Variants in IMPG2 observed in about 807,000 individuals in gnomAD.
IMPG2 encodes the protein IPM 200.
Under a neutral mutation model 129.2 loss-of-function variants are expected in IMPG2, and 91 were observed. That is an observed-to-expected ratio of 0.70 (90% CI 0.59 to 0.84). The LOEUF is 0.84. Ranked by LOEUF, IMPG2 falls within the 40% of genes least tolerant of loss-of-function variation. The pLI is 0.00. For missense variants in IMPG2, 1,430 were observed against 1,461.7 expected (o/e 0.98, Z 0.35); for synonymous variants, 510 against 517.7 (o/e 0.99, Z 0.20).
chr3:101,259,436 C>T (rs60249991), intron 9 of IMPG2, among the ~76,000 whole-genome samples: 3,424 of 151,950 alleles, frequency 0.023, 122 homozygotes, highest in African/African-American at 0.079. Context: ...TTCTTATCTA[C>T]TTCTTTACTT....
chr3:101,230,843 A>G, intron 16 of IMPG2, 114 bp downstream of exon 16: 2 of 886,382 alleles, frequency 2.3e-6, no homozygotes, highest in Admixed American at 1.9e-5. Context: ...ATTCAAATTC[A>G]TAGCTCTCTT....
chr3:101,308,365 C>T (rs973085815), intron 2 of IMPG2, among the ~76,000 whole-genome samples: 1 of 152,260 alleles, frequency 6.6e-6, no homozygotes. Context: ...AAACTTCTGC[C>T]TGGACATCCA....
intron 3 of IMPG2, 96 bp from the exon 4 acceptor site, chr3:101,291,606 G>C (rs1707010186): frequency 1.2e-6 from 1 of 840,120 alleles, no homozygotes; most frequent in Non-Finnish European, 2.0e-6. Context: ...GCCCTACCAT[G>C]GTAGAATCTA....
Position 101,244,314 on chromosome 3 carries a change from A to C in IMPG2, c.2017T>G (p.Ser673Ala). The C allele has an allele frequency of 6.2e-7, 1 of 1,613,972 alleles. No individual in the cohort carries two copies. Among genetic ancestry groups the C allele is most frequent in the Non-Finnish European group, 8.5e-7 (1 of 1,179,964 alleles). ...KHSKYEHDDR[S>A]THFPEEEPLS... ...GGCTCTTCCTCTGGAAAGTGTGTGG[A>C]TCTGTCATCATGTTCATATTTTGAG... The change falls in exon 13 of 19, where the codon TCC becomes GCC. Residue 673 changes from serine to alanine, a missense_variant. Ser to Ala is a moderately conservative substitution (Grantham distance 99). Transcript: ENST00000193391.
rs66908707 is a variant in IMPG2 at position 101,226,225 on chromosome 3, TTATATATATATATA to T, written c.*730_*743del. ...TAGATTAATGGGAATCTTCTAAACT[TTATATATATATATA>T]TATATATATATATATATATATATAT... On this transcript the variant is annotated 3_prime_UTR_variant, in exon 19 of 19. Coordinates refer to ENST00000193391, the MANE Select transcript of IMPG2 (RefSeq NM_016247.4). 642 of 102,496 alleles carry T rather than the reference TTATATATATATATA, an allele frequency of 6.3e-3. 4 individuals carry two copies. The highest frequency in any genetic ancestry group is 0.011 in the Admixed American group (115 of 10,120). The allele number at this position is 102,496 out of a possible 1,614,324, so 6.3% of individuals were successfully genotyped here.
chr3:101,234,307 G>A (rs557063828), intron 14 of IMPG2, among the ~76,000 whole-genome samples: 1 of 151,914 alleles, frequency 6.6e-6, no homozygotes, highest in South Asian at 2.1e-4. Context: ...ACACCTATAA[G>A]CTAAGGGATG....
intron 2 of IMPG2, among the ~76,000 whole-genome samples, chr3:101,318,968 C>T (rs2058797679): frequency 6.6e-6 from 1 of 151,798 alleles, no homozygotes; most frequent in Non-Finnish European, 1.5e-5. Context: ...TTATGTGTAC[C>T]AACTAGAGAG....
rs1046094556 is a variant in IMPG2, at chr3:101,226,104, C to T, written c.*865G>A. On this transcript the variant is annotated 3_prime_UTR_variant, in exon 19 of 19. Transcript: ENST00000193391. ...TTAGATTTCAGAAGCAATCAGGGAA[C>T]CTCAGTCCAGCAATCAAGAAACAAA... 6.5e-6 allele frequency: 1 copy of T among 153,990 alleles called. No individual in the cohort carries two copies. Among genetic ancestry groups the T allele is most frequent in the African/African-American group, 2.4e-5 (1 of 41,120 alleles). 9.5% of individuals were successfully genotyped at this position (153,990 alleles called of 1,614,324 possible). A position where few individuals can be genotyped will look rare whatever the true frequency, so the allele number is the denominator to read the frequency against.
intron 3 of IMPG2, among the ~76,000 whole-genome samples, chr3:101,302,863 A>G (rs1707152746): frequency 6.6e-6 from 1 of 152,196 alleles, no homozygotes; most frequent in South Asian, 2.1e-4. Flanking sequence ...CAAAACATTT[A>G]TACCCTCGCA....
intron 14 of IMPG2, among the ~76,000 whole-genome samples, chr3:101,240,287 T>G (rs1355680260): frequency 6.6e-6 from 1 of 151,988 alleles, no homozygotes; most frequent in Non-Finnish European, 1.5e-5. Flanking sequence ...CCAGCTAATT[T>G]TTCAGTTTTT....
rs372962969 is a variant in IMPG2, at chr3:101,283,402, C to T, written c.534-6689G>A. 2.6e-4 allele frequency among the ~76,000 whole-genome samples: 40 copies of T among 152,142 alleles called. No homozygotes were observed. The South Asian group carries it at 4.8e-3, about 18-fold the overall frequency. On this transcript the variant is annotated intron_variant, in intron 4 of 18. Coordinates refer to ENST00000193391, the MANE Select transcript of IMPG2 (RefSeq NM_016247.4). The stretch of plus-strand genomic sequence containing the variant: ...TGCCCCAACTTTATTATTCCCATTG[C>T]CCCTGTAGTTTTTATTGAGTGATTT...
At chr3:101,269,341 C>A (rs1559649484) in intron 8 of IMPG2, among the ~76,000 whole-genome samples, 174 bp downstream of exon 8, 1 of 152,156 alleles carries the variant, frequency 6.6e-6, no homozygotes, top group Non-Finnish European at 1.5e-5. Context: ...CTTTTTCTAA[C>A]TCAATTTTCT....
At chr3:101,264,290 T>G (rs1339328480) in intron 9 of IMPG2, among the ~76,000 whole-genome samples, 4 of 151,872 alleles carry the variant, frequency 2.6e-5, no homozygotes, top group Non-Finnish European at 4.4e-5. Context: ...AACACAGATG[T>G]AAAAATCCTC....
At position 101,264,277 on chromosome 3, in the gene IMPG2, A is replaced by C. The variant is rs1706699978; in HGVS notation, c.908+3234T>G. The stretch of plus-strand genomic sequence containing the variant: ...TGAAAACTACAGGGCAAAATCCCTG[A>C]TGAACACAGATGTAAAAATCCTCAA... On this transcript the variant is annotated intron_variant, in intron 9 of 18. Transcript: ENST00000193391. 2.6e-5 allele frequency among the ~76,000 whole-genome samples: 4 copies of C among 152,250 alleles called. No homozygotes were observed. The East Asian group carries it at 7.7e-4, about 29-fold the overall frequency.
chr3:101,256,195 A>AAGAAAGAAAGAAAG (rs1706604048), intron 10 of IMPG2, among the ~76,000 whole-genome samples: 1 of 151,080 alleles, frequency 6.6e-6, no homozygotes, highest in African/African-American at 2.4e-5. Flanking sequence ...GAAAGAAAGA[A>AAGAAAGAAAGAAAG]AGAAAGAAAG....
At chr3:101,284,732 T>A (rs1706927712) in intron 4 of IMPG2, among the ~76,000 whole-genome samples, 1 of 152,216 alleles carries the variant, frequency 6.6e-6, no homozygotes, top group Non-Finnish European at 1.5e-5. Context: ...AGGATTTCAA[T>A]GCACTTCCAA....
intron 14 of IMPG2, among the ~76,000 whole-genome samples, chr3:101,236,444 C>A (rs562676896): frequency 1.3e-5 from 2 of 152,314 alleles, no homozygotes; most frequent in South Asian, 4.2e-4. Context: ...CAGTCTGCAG[C>A]TCCCAGCGAG....
chr3:101,273,694 C>G lies in IMPG2; in HGVS notation c.715G>C (p.Gly239Arg), dbSNP rs1187184882. 1 of 1,614,000 alleles carries G rather than the reference C, an allele frequency of 6.2e-7. No individual in the cohort carries two copies. The highest frequency in any genetic ancestry group is 2.2e-5 in the East Asian group (1 of 44,886). The change falls in exon 7 of 19, where the codon GGT (glycine) becomes CGT (arginine). Residue 239 changes from glycine (G) to arginine (R), a missense_variant. Coordinates refer to ENST00000193391, the MANE Select transcript of IMPG2 (RefSeq NM_016247.4). ...NVIEEATKPA[G>R]EQIAEFSIHL... ...ATACTGAATTCTGCAATCTGTTCAC[C>G]TGCTGGTTTTGTGGCTTCTTCTATC...
rs1042796471 is a variant in IMPG2 at position 101,223,428 on chromosome 3, T to A, written c.*3541A>T. ...TTCTACTTCATTAGCTCTTTCATTA[T>A]GGAATAAATATGTTGTCTTCTCTTC... is the stretch of plus-strand genomic sequence containing the variant. On this transcript the variant is annotated 3_prime_UTR_variant, in exon 19 of 19. Coordinates refer to ENST00000193391, the MANE Select transcript of IMPG2 (RefSeq NM_016247.4). 6.6e-6 allele frequency: 1 copy of A among 152,250 alleles called. No homozygotes were observed. Among genetic ancestry groups the A allele is most frequent in the Non-Finnish European group, 1.5e-5 (1 of 68,044 alleles). The allele number at this position is 152,250 out of a possible 1,614,324, so 9.4% of individuals were successfully genotyped here. A position where few individuals can be genotyped will look rare whatever the true frequency, so the allele number is the denominator to read the frequency against.
Sources: allele counts gnomAD v4.1 joint callset (sites outside exome capture counted in the v4.1 genomes callset), GRCh38; gene constraint gnomAD v4.1.1; transcripts MANE v1.5; gene names NCBI Gene and HGNC (gene_info 2026-07-23, HGNC 2026-07-21).